Variants in CLEC18B observed in about 807,000 individuals in gnomAD.
CLEC18B encodes mannose receptor-like 2.
CLEC18B carries 5 observed loss-of-function variants against 60.4 expected under a neutral mutation model. The ratio of observed to expected loss-of-function variants is 0.08; its 90% CI spans 0.04 to 0.17. The LOEUF is 0.17. Among genes scored for constraint, CLEC18B ranks in the 10% least tolerant of loss-of-function variants. CLEC18B has a pLI of 1.00. For synonymous variants in CLEC18B, 16 were observed against 221.2 expected (o/e 0.07, Z 8.23); for missense variants, 26 against 572.8 (o/e 0.05, Z 9.74).
Position 74,421,472 on chromosome 16 carries a change from A to G in CLEC18B, c.-202T>C. The G allele has an allele frequency of 1.7e-6, 1 of 599,590 alleles. No homozygotes were observed. The highest frequency in any genetic ancestry group is 2.9e-6 in the Non-Finnish European group (1 of 340,196). The allele number at this position is 599,590 out of a possible 1,614,324, so 37.1% of individuals were successfully genotyped here. ...ACAGCCTCCTGTTGGCGCTGGCATG[A>G]AAAGAGACAACTCCCGGGGATGCCT... On this transcript the variant is annotated 5_prime_UTR_variant, in exon 1 of 12. Transcript: ENST00000682950.
chr16:74,421,650 T>C, upstream of CLEC18B: 1 of 477,510 alleles, frequency 2.1e-6, no homozygotes, highest in South Asian at 2.3e-5. Flanking sequence ...ATTCCGGTGC[T>C]GCAGATTAGT....
intron 2 of CLEC18B, among the ~76,000 whole-genome samples, chr16:74,419,938 G>A (rs1241466974): frequency 1.2e-4 from 19 of 152,248 alleles, no homozygotes; most frequent in Middle Eastern, 3.4e-3. Context: ...TCCCAACCCC[G>A]CAGCCCCAGC....
intron 2 of CLEC18B, among the ~76,000 whole-genome samples, chr16:74,420,225 G>A (rs1257516302): frequency 1.8e-4 from 27 of 150,596 alleles, no homozygotes; most frequent in Non-Finnish European, 3.3e-4. Context: ...CCTGGTCTCT[G>A]TGGCAACAAG....
At chr16:74,415,877 A>AAAAAAC (rs1256078308) in intron 3 of CLEC18B, among the ~76,000 whole-genome samples, 4 of 151,128 alleles carry the variant, frequency 2.6e-5, no homozygotes, top group African/African-American at 9.7e-5. Context: ...CTCTGAATCG[A>AAAAAAC]AAAAACAAAA....
chr16:74,419,975 C>T (rs1180906419), intron 2 of CLEC18B, among the ~76,000 whole-genome samples: 5 of 152,390 alleles, frequency 3.3e-5, no homozygotes, highest in South Asian at 2.1e-4. Context: ...TCTATACCCC[C>T]GACCCCTGGC....
intron 5 of CLEC18B, 27 bp from the exon 6 acceptor site, chr16:74,412,907 G>A (rs764428340): frequency 6.2e-7 from 1 of 1,612,050 alleles, no homozygotes; most frequent in African/African-American, 1.3e-5. Context: ...GGGACTCTGA[G>A]AAAAGGGTCG....
intron 2 of CLEC18B, among the ~76,000 whole-genome samples, 156 bp from the exon 3 acceptor site, chr16:74,418,454 GTGT>G (rs1230244152): frequency 6.9e-6 from 1 of 145,824 alleles, no homozygotes; most frequent in Non-Finnish European, 1.5e-5. Flanking sequence ...GGAAGCACTG[GTGT>G]TGTCTGATGT....
intron 3 of CLEC18B, among the ~76,000 whole-genome samples, chr16:74,414,157 G>A (rs1406233445): frequency 6.6e-6 from 1 of 152,426 alleles, no homozygotes. Context: ...TTATAGGTGT[G>A]AGCCACCGTG....
At chr16:74,410,383 C>T (rs1238883281) in intron 10 of CLEC18B, among the ~76,000 whole-genome samples, 153 bp downstream of exon 10, 1 of 152,172 alleles carries the variant, frequency 6.6e-6, no homozygotes, top group African/African-American at 2.4e-5. Context: ...CACCGGCCCA[C>T]ACCAGCTGTG....
chr16:74,421,875 G>C (rs2013702453), upstream of CLEC18B: 1 of 141,582 alleles, frequency 7.1e-6, no homozygotes, highest in Non-Finnish European at 1.5e-5. Context: ...CCGCACACCA[G>C]AGGGGTGCAA....
chr16:74,411,596 C>G (rs748454868), intron 8 of CLEC18B, 73 bp downstream of exon 8: 1 of 1,605,314 alleles, frequency 6.2e-7, no homozygotes, highest in Non-Finnish European at 8.5e-7. Context: ...CCACCTCTCA[C>G]TCCAGGGTCC....
At chr16:74,411,866 C>G (rs1411516218) in intron 7 of CLEC18B, 91 bp from the exon 8 acceptor site, 120 of 1,030,458 alleles carry the variant, frequency 1.2e-4, no homozygotes, top group Non-Finnish European at 1.6e-4. Context: ...GTGCCCCTTC[C>G]TCTGGCCACC....
upstream of CLEC18B, among the ~76,000 whole-genome samples, chr16:74,422,699 T>G (rs2013730188): frequency 6.7e-6 from 1 of 150,266 alleles, no homozygotes; most frequent in Non-Finnish European, 1.5e-5. Flanking sequence ...TTAGACAGTT[T>G]CATTCTGCCA....
At position 74,413,564 on chromosome 16, in the gene CLEC18B, T is replaced by C. The variant is rs763483177; in HGVS notation, c.554+15A>G. 25 of 1,614,054 alleles carry C rather than the reference T, an allele frequency of 1.5e-5. No individual in the cohort carries two copies. The East Asian group carries it at 4.7e-4, about 30-fold the overall frequency. ...GTCTCCCAGACATCCCAGCAGAAGGTGTAGCAGGGCTTACCCGGGGGAGTA... is the reference window on the plus strand; with the variant it reads ...GTCTCCCAGACATCCCAGCAGAAGGCGTAGCAGGGCTTACCCGGGGGAGTA... On this transcript the variant is annotated intron_variant, in intron 4 of 11. Coordinates refer to ENST00000682950, the MANE Select transcript of CLEC18B (RefSeq NM_001385193.1).
chr16:74,424,201 C>G (rs1303828111), upstream of CLEC18B, among the ~76,000 whole-genome samples: 1 of 147,204 alleles, frequency 6.8e-6, no homozygotes, highest in Non-Finnish European at 1.5e-5. Context: ...CATTTTGTCT[C>G]TTCCTGAAGC....
upstream of CLEC18B, among the ~76,000 whole-genome samples, chr16:74,422,670 GTATTTT>G (rs1268384883): frequency 9.5e-5 from 14 of 147,232 alleles, no homozygotes; most frequent in South Asian, 2.3e-4. Context: ...GTTTTTTGAT[GTATTTT>G]TATTTTTATT....
In CLEC18B at chr16:74,413,576, T is replaced by A; in HGVS notation, c.554+3A>T. The A allele has an allele frequency of 6.2e-7, 1 of 1,614,086 alleles. No individual in the cohort carries two copies. The highest frequency in any genetic ancestry group is 1.1e-5 in the South Asian group (1 of 91,082). ...TCCCAGCAGAAGGTGTAGCAGGGCTTACCCGGGGGAGTAGGCACAGACAAA... is the reference window on the plus strand; with the variant it reads ...TCCCAGCAGAAGGTGTAGCAGGGCTAACCCGGGGGAGTAGGCACAGACAAA... On this transcript the variant is annotated splice_donor_region_variant and intron_variant, in intron 4 of 11. Transcript: ENST00000682950.
upstream of CLEC18B, among the ~76,000 whole-genome samples, chr16:74,424,093 T>A (rs1384594854): frequency 6.6e-6 from 1 of 152,182 alleles, no homozygotes; most frequent in African/African-American, 2.4e-5. Context: ...CTATATTTTC[T>A]TTATCACCTG....
At chr16:74,409,511 T>G (rs79800981) in intron 11 of CLEC18B, 39 bp downstream of exon 11, 1 of 1,436,606 alleles carries the variant, frequency 7.0e-7, no homozygotes, top group Non-Finnish European at 9.6e-7. Flanking sequence ...ACTCCCAGGG[T>G]CAGGGATCAG....
Sources: gnomAD v4.1 joint callset for allele counts (sites outside exome capture counted in the v4.1 genomes callset) on GRCh38, gnomAD v4.1.1 for gene constraint, MANE v1.5 for transcripts, NCBI Gene and HGNC (gene_info 2026-07-23, HGNC 2026-07-21) for gene names.